PLCL2: variants seen among roughly 807,000 people sequenced by gnomAD.
PLCL2 encodes the protein inactive phospholipase C-like protein 2.
Under a neutral mutation model 79.6 loss-of-function variants are expected in PLCL2, and 4 were observed. The ratio of observed to expected loss-of-function variants is 0.05; its 90% CI spans 0.02 to 0.11. The LOEUF (loss-of-function observed/expected upper bound fraction) is 0.11, where lower values mean the gene tolerates loss of function less well. Among genes scored for constraint, PLCL2 ranks in the 10% least tolerant of loss-of-function variants. PLCL2 has a pLI of 1.00. For missense variants in PLCL2, 895 were observed against 1,291.0 expected (o/e 0.69, Z 4.70); for synonymous variants, 484 against 457.7 (o/e 1.06, Z -0.73).
At chr3:16,902,853 C>CGTGT (rs1219764598) in intron 1 of PLCL2, among the ~76,000 whole-genome samples, 4,923 of 42,138 alleles carry the variant, frequency 0.12, 154 homozygotes, top group East Asian at 0.28. Context: ...AAATGCAGTG[C>CGTGT]GTGTGTGTGT....
chr3:17,043,433 A>C (rs1265239132), intron 4 of PLCL2, among the ~76,000 whole-genome samples: 1 of 152,234 alleles, frequency 6.6e-6, no homozygotes, highest in Non-Finnish European at 1.5e-5. Flanking sequence ...CATTAATTTA[A>C]CATCCAAATG....
intron 4 of PLCL2, among the ~76,000 whole-genome samples, chr3:17,061,612 T>C (rs1209655603): frequency 1.3e-5 from 2 of 152,202 alleles, no homozygotes; most frequent in Non-Finnish European, 2.9e-5. Context: ...AAATTATGTG[T>C]AATCAACACC....
At chr3:16,885,404 C>T (rs1394371992) in intron 1 of PLCL2, 38 bp downstream of exon 1, 1 of 559,994 alleles carries the variant, frequency 1.8e-6, no homozygotes, top group South Asian at 2.1e-5. Flanking sequence ...CACCCTCAGC[C>T]GTCCTTGGAT....
At chr3:17,032,144 G>A (rs2064590533) in intron 3 of PLCL2, among the ~76,000 whole-genome samples, 1 of 152,008 alleles carries the variant, frequency 6.6e-6, no homozygotes, top group South Asian at 2.1e-4. Flanking sequence ...TTTAGAGTAG[G>A]ATAAGTATTT....
chr3:16,917,266 T>C (rs1301962633), intron 1 of PLCL2, among the ~76,000 whole-genome samples: 1 of 152,222 alleles, frequency 6.6e-6, no homozygotes, highest in African/African-American at 2.4e-5. Flanking sequence ...GAATAATTAG[T>C]CCTATTACTA....
chr3:17,083,402 G>A (rs1034531416), intron 5 of PLCL2, among the ~76,000 whole-genome samples: 16 of 152,170 alleles, frequency 1.1e-4, no homozygotes, highest in African/African-American at 3.1e-4. Flanking sequence ...ATTTAGGAGC[G>A]TAGCATATCA....
chr3:16,917,609 C>T (rs1697027650), intron 1 of PLCL2, among the ~76,000 whole-genome samples: 1 of 152,142 alleles, frequency 6.6e-6, no homozygotes, highest in African/African-American at 2.4e-5. Context: ...AGAGTGTCAG[C>T]CAGAGTGTCT....
At position 17,035,390 on chromosome 3, in the gene PLCL2, G is replaced by A. The variant is rs2064636654; in HGVS notation, c.3019-7484G>A. On this transcript the variant is annotated intron_variant, in intron 3 of 5. Transcript: ENST00000615277. The stretch of plus-strand genomic sequence containing the variant: ...CCGTAAAGCACTCTATAATTGTAAG[G>A]TGTGTTACAATTTTTCTTATCCTGA... Among the ~76,000 whole-genome samples, 7 of 148,792 alleles carry A rather than the reference G, an allele frequency of 4.7e-5. 1 individual carries two copies. In the South Asian group the frequency reaches 1.6e-3, roughly 33 times the overall value.
intron 1 of PLCL2, among the ~76,000 whole-genome samples, chr3:16,998,693 T>C (rs1277137764): frequency 6.6e-6 from 1 of 152,230 alleles, no homozygotes; most frequent in Non-Finnish European, 1.5e-5. Context: ...TATATTTACT[T>C]TCAGGAAACA....
At chr3:16,902,101 C>T (rs1156269032) in intron 1 of PLCL2, among the ~76,000 whole-genome samples, 1 of 152,208 alleles carries the variant, frequency 6.6e-6, no homozygotes, top group Non-Finnish European at 1.5e-5. Flanking sequence ...TGCCCCCAGC[C>T]ATCTCACTAC....
chr3:16,997,643 A>C (rs1575578364), intron 1 of PLCL2, among the ~76,000 whole-genome samples: 1 of 151,726 alleles, frequency 6.6e-6, no homozygotes, highest in South Asian at 2.1e-4. Context: ...GGTTCAAGCA[A>C]TTCCCCTGCC....
intron 3 of PLCL2, among the ~76,000 whole-genome samples, chr3:17,030,842 G>T (rs2064573264): frequency 6.6e-6 from 1 of 152,188 alleles, no homozygotes; most frequent in Admixed American, 6.5e-5. Flanking sequence ...ATACTTTACA[G>T]TAAGACTATG....
At chr3:17,059,838 C>T (rs1471257020) in intron 4 of PLCL2, among the ~76,000 whole-genome samples, 1 of 152,124 alleles carries the variant, frequency 6.6e-6, no homozygotes, top group Non-Finnish European at 1.5e-5. Flanking sequence ...ACTACATTAT[C>T]TGTTGAAAAT....
intron 1 of PLCL2, among the ~76,000 whole-genome samples, chr3:16,911,182 G>A (rs1159167082): frequency 6.6e-6 from 1 of 151,516 alleles, no homozygotes; most frequent in East Asian, 1.9e-4. Flanking sequence ...GAACCCGGGG[G>A]GCGGAGGTTG....
At chr3:16,943,182 TA>T (rs1173080662) in intron 1 of PLCL2, among the ~76,000 whole-genome samples, 1 of 152,224 alleles carries the variant, frequency 6.6e-6, no homozygotes, top group African/African-American at 2.4e-5. Context: ...TTTATATTAT[TA>T]AAAACACTAC....
chr3:16,885,061 G>C lies in PLCL2; in HGVS notation c.22G>C (p.Gly8Arg), dbSNP rs1559474710. The C allele has an allele frequency of 1.1e-5, 4 of 374,968 alleles. No individual in the cohort carries two copies. The highest frequency in any genetic ancestry group is 1.4e-5 in the Non-Finnish European group (3 of 211,252). The allele number at this position is 374,968 out of a possible 1,614,324, so 23.2% of individuals were successfully genotyped here. The change falls in exon 1 of 6, where the codon GGC becomes CGC. Residue 8 changes from glycine (G) to arginine (R), a missense_variant. By Grantham distance (125) the Gly-to-Arg change is moderately radical. Transcript: ENST00000615277. ...GCCCATGGCGGAGTGCGGCCGGGGG[G>C]GCGCCGCCGGCGGGGCCCTGCCCAC... is the stretch of plus-strand genomic sequence containing the variant. MAECGRGGAAGGALPTSP... is the reference protein window; with the variant it reads MAECGRGRAAGGALPTSP...
At chr3:17,086,483 A>G (rs1310820735) in intron 5 of PLCL2, among the ~76,000 whole-genome samples, 1 of 152,250 alleles carries the variant, frequency 6.6e-6, no homozygotes, top group African/African-American at 2.4e-5. Context: ...TAGAATTCCT[A>G]GAAGATAACA....
chr3:16,934,430 A>G (rs1384409926), intron 1 of PLCL2, among the ~76,000 whole-genome samples: 1 of 152,214 alleles, frequency 6.6e-6, no homozygotes, highest in Non-Finnish European at 1.5e-5. Context: ...GAACACCAGC[A>G]TGCCCAGAGA....
At chr3:16,948,930 G>T (rs2063625431) in intron 1 of PLCL2, among the ~76,000 whole-genome samples, 1 of 152,116 alleles carries the variant, frequency 6.6e-6, no homozygotes, top group South Asian at 2.1e-4. Context: ...TTGTCTCGAG[G>T]TCAACTATAA....
Sources: gnomAD v4.1 joint callset for allele counts (sites outside exome capture counted in the v4.1 genomes callset) on GRCh38, gnomAD v4.1.1 for gene constraint, MANE v1.5 for transcripts, NCBI Gene and HGNC (gene_info 2026-07-23, HGNC 2026-07-21) for gene names.